Variants in MYOM3 observed in about 807,000 individuals in gnomAD.
MYOM3 encodes myomesin 3.
A neutral mutation model predicts 191.7 loss-of-function variants in MYOM3; 155 were observed. The ratio of observed to expected loss-of-function variants is 0.81; its 90% CI spans 0.71 to 0.92. MYOM3 has a LOEUF of 0.92. Among genes scored for constraint, MYOM3 ranks in the 40% least tolerant of loss-of-function variants. MYOM3 has a pLI of 0.00. For synonymous variants in MYOM3, 757 were observed against 762.9 expected (o/e 0.99, Z 0.13); for missense variants, 1,889 against 1,890.6 (o/e 1.00, Z 0.02).
chr1:24,067,325 CTTCTTTCTTTCTTTCT>C (rs796793986), intron 27 of MYOM3, among the ~76,000 whole-genome samples: 10 of 58,864 alleles, frequency 1.7e-4, no homozygotes, highest in Non-Finnish European at 2.1e-4. Flanking sequence ...TCTTTCTTTC[CTTCTTTCTTTCTTTCT>C]TTCTTTCTTT....
rs759645504 is a variant in MYOM3 at position 24,097,893 on chromosome 1, G to A, written c.745+30C>T. The A allele has an allele frequency of 3.1e-5, 45 of 1,464,020 alleles. No homozygotes were observed. The East Asian group carries it at 6.6e-4, about 21-fold the overall frequency. The allele number at this position is 1,464,020 out of a possible 1,614,324, so 90.7% of individuals were successfully genotyped here. Reference sequence around the variant, plus strand: ...GCCCAGCTTGGGTTTGCTGTGGCCCGGAGTGCCTGTTGGGGTTGGGAGGAC... The same window carrying A: ...GCCCAGCTTGGGTTTGCTGTGGCCCAGAGTGCCTGTTGGGGTTGGGAGGAC... On this transcript the variant is annotated intron_variant, in intron 7 of 36. Coordinates refer to ENST00000374434, the MANE Select transcript of MYOM3 (RefSeq NM_152372.4).
Position 24,087,523 on chromosome 1 carries a change from TGAG to T in MYOM3, c.1615-699_1615-697del, listed in dbSNP as rs1643764734. Among the ~76,000 whole-genome samples, 1 of 152,228 alleles carries T rather than the reference TGAG, an allele frequency of 6.6e-6. No individual in the cohort carries two copies. Among genetic ancestry groups the T allele is most frequent in the Admixed American group, 6.5e-5 (1 of 15,284 alleles). On this transcript the variant is annotated intron_variant, in intron 14 of 36. Transcript: ENST00000374434. This position sits in a 1 kb window ranked among gnomAD's most constrained non-coding sequence, Gnocchi z 4.5. ...GTCTCTGTGCCTCTCTGCTGTTTCC[TGAG>T]GGTCCAAGTCCCACCTCTGGGCCTT...
intron 14 of MYOM3, 41 bp from the exon 15 acceptor site, chr1:24,086,868 C>T: frequency 6.3e-7 from 1 of 1,590,312 alleles, no homozygotes; most frequent in Non-Finnish European, 8.6e-7. Flanking sequence ...ACTGGTCGCC[C>T]AGACCGGCTC....
At chr1:24,106,848 C>T (rs142868418) in intron 4 of MYOM3, among the ~76,000 whole-genome samples, 2,005 of 152,312 alleles carry the variant, frequency 0.013, 41 homozygotes, top group African/African-American at 0.046. Flanking sequence ...GGGTTACAGG[C>T]GTGAGCCACT....
At position 24,076,176 on chromosome 1, in the gene MYOM3, A is replaced by G. The variant is rs889565265; in HGVS notation, c.2684T>C (p.Leu895Pro). Residue 895 changes from leucine (L) to proline (P), a missense_variant, in exon 21 of 37, where the codon CTC (leucine) becomes CCC (proline). Transcript: ENST00000374434. Reference protein sequence around the residue: ...GQPSMPTDPVLLEDKPGAHEI... With the variant: ...GQPSMPTDPVPLEDKPGAHEI... The stretch of plus-strand genomic sequence containing the variant: ...ACCCCTACCTGGCTTGTCCTCCAGG[A>G]GCACGGGATCAGTGGGCATGGACGG... 1 of 1,613,978 alleles carries G rather than the reference A, an allele frequency of 6.2e-7. No individual in the cohort carries two copies. Among genetic ancestry groups the G allele is most frequent in the Non-Finnish European group, 8.5e-7 (1 of 1,179,960 alleles).
chr1:24,062,181 C>A, intron 32 of MYOM3, 72 bp from the exon 33 acceptor site: 1 of 1,571,668 alleles, frequency 6.4e-7, no homozygotes, highest in South Asian at 1.1e-5. Context: ...CCCCAAAATC[C>A]TCTCCTCTGG....
At position 24,065,983 on chromosome 1, in the gene MYOM3, CCTT is replaced by C. The variant is rs1643429022; in HGVS notation, c.3439_3441del (p.Lys1147del). The C allele has an allele frequency of 1.2e-6, 2 of 1,613,830 alleles. No homozygotes were observed. The highest frequency in any genetic ancestry group is 1.7e-6 in the Non-Finnish European group (2 of 1,179,674). Reference sequence around the variant, plus strand: ...TGGAAGAACCACTGAAAGCGAGTCTCCTTCTTGGTGTTGGTCACCTGGGGAAGG... The same window carrying C: ...TGGAAGAACCACTGAAAGCGAGTCTCCTTGGTGTTGGTCACCTGGGGAAGG... On this transcript the variant is annotated inframe_deletion, in exon 29 of 37. Transcript: ENST00000374434.
intron 36 of MYOM3, among the ~76,000 whole-genome samples, chr1:24,057,867 C>CA (rs1188596994): frequency 6.6e-6 from 1 of 152,138 alleles, no homozygotes; most frequent in Admixed American, 6.5e-5. Context: ...AGTGCAGTGG[C>CA]ATGATCTCGG....
At chr1:24,096,890 G>C (rs977996168) in intron 7 of MYOM3, among the ~76,000 whole-genome samples, 11 of 152,216 alleles carry the variant, frequency 7.2e-5, no homozygotes, top group African/African-American at 2.7e-4. Flanking sequence ...AGGCTTATAC[G>C]TATCATCTCA....
At position 24,084,715 on chromosome 1, in the gene MYOM3, T is replaced by C. The variant is rs1185593601; in HGVS notation, c.1799-76A>G. The C allele has an allele frequency of 6.5e-6, 9 of 1,377,778 alleles. No homozygotes were observed. The Admixed American group carries it at 1.4e-4, about 22-fold the overall frequency. The allele number at this position is 1,377,778 out of a possible 1,614,324, so 85.3% of individuals were successfully genotyped here. ...GACAGGCTGGGGAAGGGGAGGAGCA[T>C]GGGGAGAGGCCAGAAGGAGCTCCCA... On this transcript the variant is annotated intron_variant, in intron 15 of 36. Transcript: ENST00000374434.
intron 5 of MYOM3, among the ~76,000 whole-genome samples, chr1:24,101,886 G>C (rs553850543): frequency 3.3e-4 from 50 of 152,338 alleles, no homozygotes; most frequent in Middle Eastern, 3.4e-3. Context: ...CAGGACAGTG[G>C]GGTGGCCTGG....
intron 33 of MYOM3, 70 bp from the exon 34 acceptor site, chr1:24,061,379 C>A: frequency 6.6e-7 from 1 of 1,504,204 alleles, no homozygotes. Context: ...ACAGGGTGAC[C>A]CTGGGAGCAA....
intron 7 of MYOM3, 44 bp from the exon 8 acceptor site, chr1:24,095,530 C>T: frequency 6.4e-7 from 1 of 1,572,300 alleles, no homozygotes; most frequent in Non-Finnish European, 8.7e-7. Flanking sequence ...GTTCAGAGCC[C>T]ACATTCCTAT....
chr1:24,078,424 C>G (rs758914020), intron 20 of MYOM3, among the ~76,000 whole-genome samples: 1 of 152,150 alleles, frequency 6.6e-6, no homozygotes, highest in African/African-American at 2.4e-5. Flanking sequence ...CAGCCAAAAT[C>G]TTTTTAGACT....
intron 32 of MYOM3, among the ~76,000 whole-genome samples, chr1:24,062,495 A>G (rs1643383224): frequency 6.6e-6 from 1 of 152,096 alleles, no homozygotes; most frequent in Non-Finnish European, 1.5e-5. Flanking sequence ...AGCCTTCTCC[A>G]TAGAGTGGGT....
In MYOM3 at chr1:24,090,870, T is replaced by A; in HGVS notation, c.1359A>T (p.Val453=). ...AGGCCTTGGAGGGGACGCTGCTGCCTACCCTGCTGATGGCTCTCACCCGGA... is the reference window on the plus strand; with the variant it reads ...AGGCCTTGGAGGGGACGCTGCTGCCAACCCTGCTGATGGCTCTCACCCGGA... ...YRFRVRAISR[V]GSSVPSKASE... Residue 453 remains valine (V), a synonymous_variant, in exon 12 of 37, where the codon GTA becomes GTT. Coordinates refer to ENST00000374434, the MANE Select transcript of MYOM3 (RefSeq NM_152372.4). 1 of 1,614,134 alleles carries A rather than the reference T, an allele frequency of 6.2e-7. No individual in the cohort carries two copies. The highest frequency in any genetic ancestry group is 1.1e-5 in the South Asian group (1 of 91,086).
intron 16 of MYOM3, chr1:24,082,940 C>T: frequency 2.2e-6 from 1 of 458,770 alleles, no homozygotes; most frequent in Non-Finnish European, 3.6e-6. Flanking sequence ...TTTCCAGATC[C>T]ACCCTTAAAA....
Position 24,089,593 on chromosome 1 carries a change from G to A in MYOM3, c.1559C>T (p.Ala520Val), listed in dbSNP as rs768218724. ...GTCCCGGGGGCTGGGCTCCTCCCAG[G>A]CCAGAACCACATAGGCCTCTCGGAT... The part of the protein sequence containing the change: ...SEIREAYVVL[A>V]WEEPSPRDRA... Residue 520 changes from alanine to valine, a missense_variant, in exon 14 of 37, where the codon GCC (alanine) becomes GTC (valine). Coordinates refer to ENST00000374434, the MANE Select transcript of MYOM3 (RefSeq NM_152372.4). The A allele has an allele frequency of 1.7e-5, 27 of 1,596,580 alleles. 1 individual carries two copies. In the South Asian group the frequency reaches 2.8e-4, roughly 17 times the overall value.
intron 8 of MYOM3, 46 bp from the exon 9 acceptor site, chr1:24,095,036 G>A (rs1266864060): frequency 6.3e-7 from 1 of 1,591,978 alleles, no homozygotes; most frequent in African/African-American, 1.3e-5. Flanking sequence ...GAGGCAGCCA[G>A]CCTGGCCTGG....
Sources: gnomAD v4.1 joint callset for allele counts (sites outside exome capture counted in the v4.1 genomes callset) on GRCh38, gnomAD v4.1.1 for gene constraint, Gnocchi (gnomAD v3.1) non-coding constraint, MANE v1.5 for transcripts, NCBI Gene and HGNC (gene_info 2026-07-23, HGNC 2026-07-21) for gene names.